Variants in CSMD1 observed in about 807,000 individuals in gnomAD.
CSMD1 encodes CUB and sushi domain-containing protein 1.
Under a neutral mutation model 417.5 loss-of-function variants are expected in CSMD1, and 213 were observed. The ratio of observed to expected loss-of-function variants is 0.51; its 90% CI spans 0.46 to 0.57. CSMD1 has a LOEUF of 0.57. Ranked by LOEUF, CSMD1 falls within the 20% of genes least tolerant of loss-of-function variation. The pLI is 0.00. For synonymous variants in CSMD1, 2,862 were observed against 1,736.8 expected (o/e 1.65, Z -16.11); for missense variants, 6,923 against 4,529.7 (o/e 1.53, Z -15.17).
At chr8:3,160,233 C>A (rs1315529454) in intron 38 of CSMD1, among the ~76,000 whole-genome samples, 2 of 152,122 alleles carry the variant, frequency 1.3e-5, no homozygotes, top group African/African-American at 4.8e-5. Flanking sequence ...AGCGATCCAC[C>A]CACCTCAGCC....
chr8:4,469,702 TCAC>T (rs1050991526), intron 2 of CSMD1, among the ~76,000 whole-genome samples: 2 of 152,034 alleles, frequency 1.3e-5, no homozygotes, highest in South Asian at 2.1e-4. Flanking sequence ...AGGCCTAACG[TCAC>T]CACTTTTGCC....
chr8:4,185,993 T>C (rs17069257), intron 3 of CSMD1, among the ~76,000 whole-genome samples: 25,064 of 152,186 alleles, frequency 0.16, 2,205 homozygotes, highest in East Asian at 0.29. Context: ...AGTCCACCTA[T>C]GTTTTGTTAT....
chr8:4,100,695 T>G (rs1479035577), intron 3 of CSMD1, among the ~76,000 whole-genome samples: 41 of 152,270 alleles, frequency 2.7e-4, no homozygotes, highest in Non-Finnish European at 2.9e-5. Flanking sequence ...ACTGGGAGAC[T>G]CTTTAATTTT....
chr8:4,214,539 C>T (rs958991734), intron 3 of CSMD1, among the ~76,000 whole-genome samples: 1 of 152,180 alleles, frequency 6.6e-6, no homozygotes, highest in Non-Finnish European at 1.5e-5. Context: ...CTCATGCAGT[C>T]TGTCTGACTT....
chr8:3,930,394 G>A (rs1210649961), intron 5 of CSMD1, among the ~76,000 whole-genome samples: 1 of 150,448 alleles, frequency 6.6e-6, no homozygotes, highest in Non-Finnish European at 1.5e-5. Context: ...CTTAGCCCTG[G>A]CATGCTTATA....
At position 4,962,903 on chromosome 8, in the gene CSMD1, C is replaced by G. The variant is rs1349913247; in HGVS notation, c.85+31429G>C. Among the ~76,000 whole-genome samples, 4 of 152,186 alleles carry G rather than the reference C, an allele frequency of 2.6e-5. No homozygotes were observed. In the East Asian group the frequency reaches 7.7e-4, roughly 29 times the overall value. ...TAATTCCTGTAAAAAATAAATCTAT[C>G]TCCACTTTTCTGGTAGTAAAGCAGG... On this transcript the variant is annotated intron_variant, in intron 1 of 69. Coordinates refer to ENST00000635120, the MANE Select transcript of CSMD1 (RefSeq NM_033225.6).
intron 1 of CSMD1, among the ~76,000 whole-genome samples, chr8:4,693,636 G>A (rs572116466): frequency 1.3e-5 from 2 of 152,168 alleles, no homozygotes; most frequent in African/African-American, 2.4e-5. Flanking sequence ...TTTTTCAAAT[G>A]GGTGATCTTT....
At chr8:4,711,774 T>C (rs952843769) in intron 1 of CSMD1, among the ~76,000 whole-genome samples, 1 of 152,174 alleles carries the variant, frequency 6.6e-6, no homozygotes, top group Non-Finnish European at 1.5e-5. Flanking sequence ...TTTGCTTTTG[T>C]TTTTTGTTTT....
At chr8:3,319,113 A>G (rs1487395837) in intron 23 of CSMD1, among the ~76,000 whole-genome samples, 1 of 152,202 alleles carries the variant, frequency 6.6e-6, no homozygotes, top group African/African-American at 2.4e-5. Flanking sequence ...CATCCAGATA[A>G]TAACTGAAGA....
rs1817118248 is a variant in CSMD1, at chr8:3,471,741, C to G, written c.1449-2917G>C. 4.7e-5 allele frequency among the ~76,000 whole-genome samples: 7 copies of G among 149,792 alleles called. No individual in the cohort carries two copies. In the South Asian group the frequency reaches 1.5e-3, roughly 32 times the overall value. ...CCTTCCTTGCTTTCTGTTATCATTC[C>G]CTAAGATAAGTGAATATATAAAAGA... On this transcript the variant is annotated intron_variant, in intron 11 of 69. Transcript: ENST00000635120.
At chr8:4,387,199 G>C (rs1563120280) in intron 3 of CSMD1, among the ~76,000 whole-genome samples, 1 of 152,176 alleles carries the variant, frequency 6.6e-6, no homozygotes, top group Admixed American at 6.5e-5. Context: ...AGGTATCTGA[G>C]TGTCACTCAC....
chr8:3,914,800 T>C (rs17067967), intron 5 of CSMD1, among the ~76,000 whole-genome samples: 1 of 152,012 alleles, frequency 6.6e-6, no homozygotes, highest in East Asian at 1.9e-4. Context: ...AACAAAGATT[T>C]ATTGACATCT....
intron 7 of CSMD1, among the ~76,000 whole-genome samples, chr8:3,678,434 T>G (rs1799490897): frequency 6.6e-6 from 1 of 152,042 alleles, no homozygotes; most frequent in Admixed American, 6.6e-5. Flanking sequence ...AGAAAGGGTA[T>G]CAGTGACTGA....
At chr8:3,498,658 G>A (rs893737252) in intron 10 of CSMD1, among the ~76,000 whole-genome samples, 6 of 152,094 alleles carry the variant, frequency 3.9e-5, no homozygotes, top group African/African-American at 1.4e-4. Context: ...CCTGCATTTT[G>A]TTCCACACAT....
intron 22 of CSMD1, among the ~76,000 whole-genome samples, chr8:3,344,402 T>C (rs907793544): frequency 6.6e-6 from 1 of 152,122 alleles, no homozygotes; most frequent in Non-Finnish European, 1.5e-5. Flanking sequence ...ATGGCACATG[T>C]ATACCTGGGT....
chr8:4,135,404 G>T (rs985585293), intron 3 of CSMD1, among the ~76,000 whole-genome samples: 1 of 132,058 alleles, frequency 7.6e-6, no homozygotes. Context: ...AGGGGAAAGA[G>T]GGAAAGAGGG....
At chr8:3,337,470 C>G (rs1326380951) in intron 23 of CSMD1, among the ~76,000 whole-genome samples, 1 of 152,100 alleles carries the variant, frequency 6.6e-6, no homozygotes, top group Non-Finnish European at 1.5e-5. Flanking sequence ...TTGATGGCTT[C>G]AAAGATCTCT....
intron 3 of CSMD1, among the ~76,000 whole-genome samples, chr8:4,302,855 G>T (rs1354145145): frequency 6.6e-6 from 1 of 152,066 alleles, no homozygotes; most frequent in Non-Finnish European, 1.5e-5. Context: ...AGGACTAGCA[G>T]GCAGGACCAG....
At chr8:3,618,312 A>G (rs73491498) in intron 7 of CSMD1, among the ~76,000 whole-genome samples, 25,946 of 152,148 alleles carry the variant, frequency 0.17, 2,539 homozygotes, top group African/African-American at 0.26. Context: ...GTCAAAATTT[A>G]TCTTTTACTA....
Sources: gnomAD v4.1 joint callset for allele counts (sites outside exome capture counted in the v4.1 genomes callset) on GRCh38, gnomAD v4.1.1 for gene constraint, MANE v1.5 for transcripts, NCBI Gene and HGNC (gene_info 2026-07-23, HGNC 2026-07-21) for gene names.